Variants in FBXO34 observed in about 807,000 individuals in gnomAD.
The protein encoded by FBXO34 is F-box protein 34.
A neutral mutation model predicts 24.5 loss-of-function variants in FBXO34; 12 were observed. The observed-to-expected ratio is 0.49, with a 90% CI of 0.31 to 0.79. The LOEUF (loss-of-function observed/expected upper bound fraction) is 0.79, where lower values mean the gene tolerates loss of function less well. FBXO34 is among the 30% of genes least tolerant of loss of function. The probability of loss-of-function intolerance (pLI) is 0.04; values close to 1 mark genes in which losing one functional copy is unlikely to be tolerated. For synonymous variants in FBXO34, 320 were observed against 311.9 expected, an observed-to-expected ratio of 1.03 and a Z score of -0.27; for missense variants, 823 against 857.7, an observed-to-expected ratio of 0.96 and a Z score of 0.51.
At chr14:55,404,751 C>G in the FBXO34 span, among the ~76,000 whole-genome samples, 16 of 152,198 alleles carry the variant, frequency 1.1e-4, no homozygotes, top group Middle Eastern at 0.01. Context: ...ATCTGTATAA[C>G]AAAATGGAAT....
chr14:55,332,366 A>G (rs1883625508), intron 1 of FBXO34, among the ~76,000 whole-genome samples: 1 of 152,084 alleles, frequency 6.6e-6, no homozygotes, highest in Non-Finnish European at 1.5e-5. Context: ...ACTGTCCTTC[A>G]AAGTGTCGTT....
At chr14:55,362,120 T>C (rs945081760), downstream of FBXO34, among the ~76,000 whole-genome samples, 3 of 152,208 alleles carry the variant, frequency 2.0e-5, no homozygotes, top group African/African-American at 4.8e-5. Context: ...GACATGGGAC[T>C]CTTTCATTTG....
the FBXO34 span, chr14:55,396,086 T>A: frequency 1.2e-6 from 1 of 804,926 alleles, no homozygotes; most frequent in Non-Finnish European, 1.9e-6. Context: ...TAGAAATGGC[T>A]AGAAATATCA....
intron 1 of FBXO34, among the ~76,000 whole-genome samples, chr14:55,278,009 C>G (rs140510652): frequency 6.6e-6 from 1 of 152,100 alleles, no homozygotes; most frequent in Non-Finnish European, 1.5e-5. Context: ...GCAGAGCTTG[C>G]CTGCCAAGGG....
intron 1 of FBXO34, among the ~76,000 whole-genome samples, chr14:55,288,000 G>A (rs1881819520): frequency 2.0e-5 from 3 of 152,196 alleles, no homozygotes; most frequent in Admixed American, 6.5e-5. Context: ...TTGTGGCATC[G>A]TGTTGGAGCT....
chr14:55,363,134 C>T (rs910338023), downstream of FBXO34, among the ~76,000 whole-genome samples: 13 of 150,934 alleles, frequency 8.6e-5, no homozygotes, highest in African/African-American at 1.5e-4. Context: ...GCGATTCTCC[C>T]GCGTCAGACT....
downstream of FBXO34, among the ~76,000 whole-genome samples, chr14:55,355,505 A>G (rs991939770): frequency 6.6e-6 from 1 of 152,194 alleles, no homozygotes; most frequent in African/African-American, 2.4e-5. Context: ...AAATACTCAG[A>G]AAAAAACATT....
At chr14:55,390,939 T>C in the FBXO34 span, 1 of 1,604,540 alleles carries the variant, frequency 6.2e-7, no homozygotes, top group East Asian at 2.2e-5. Flanking sequence ...TTCCTTTACA[T>C]ATTGTTTGTT....
At chr14:55,433,750 C>A in the FBXO34 span, 1 of 1,603,850 alleles carries the variant, frequency 6.2e-7, no homozygotes, top group East Asian at 2.2e-5. Context: ...AGAGAATTAG[C>A]CTCTGCTAGG....
At chr14:55,378,959 C>T in the FBXO34 span, among the ~76,000 whole-genome samples, 28 of 152,182 alleles carry the variant, frequency 1.8e-4, no homozygotes, top group African/African-American at 6.3e-4. Flanking sequence ...CCTCCTGCCT[C>T]AGCTTCCCAA....
chr14:55,343,529 G>A (rs1432218761), intron 1 of FBXO34, among the ~76,000 whole-genome samples: 1 of 152,070 alleles, frequency 6.6e-6, no homozygotes, highest in African/African-American at 2.4e-5. Flanking sequence ...GATTACTAGC[G>A]TGAGCCATGC....
intron 1 of FBXO34, among the ~76,000 whole-genome samples, chr14:55,281,974 T>C: frequency 6.6e-6 from 1 of 151,428 alleles, no homozygotes; most frequent in African/African-American, 2.4e-5. Context: ...TCCAGTAAGT[T>C]TCATTTTTAA....
downstream of FBXO34, chr14:55,369,711 G>A: frequency 6.2e-7 from 1 of 1,610,894 alleles, no homozygotes; most frequent in Non-Finnish European, 8.5e-7. Context: ...GCGATGGGTG[G>A]GGACGCCTGG....
At chr14:55,338,932 A>G (rs966229867) in intron 1 of FBXO34, among the ~76,000 whole-genome samples, 2 of 145,456 alleles carry the variant, frequency 1.4e-5, no homozygotes, top group Middle Eastern at 3.2e-3. Context: ...AAAAAAAAAA[A>G]AGCCAAAAAA....
At chr14:55,360,956 C>A (rs1293156087) in intron 3 of FBXO34, among the ~76,000 whole-genome samples, 1 of 152,004 alleles carries the variant, frequency 6.6e-6, no homozygotes, top group Non-Finnish European at 1.5e-5. Flanking sequence ...CGAGATCACG[C>A]CACTGTACTC....
At chr14:55,360,733 C>A (rs1411832002) in intron 3 of FBXO34, among the ~76,000 whole-genome samples, 1 of 152,068 alleles carries the variant, frequency 6.6e-6, no homozygotes, top group African/African-American at 2.4e-5. Flanking sequence ...CATGGTGGCT[C>A]ACATCTGTAA....
the FBXO34 span, among the ~76,000 whole-genome samples, chr14:55,385,106 C>G: frequency 6.6e-6 from 1 of 152,154 alleles, no homozygotes; most frequent in Admixed American, 6.5e-5. Context: ...ATGTAGTGCC[C>G]ACCATCTAAG....
Position 55,351,267 on chromosome 14 carries a change from C to T in FBXO34, c.877C>T (p.Arg293Trp), listed in dbSNP as rs756551007. 10 of 1,614,136 alleles carry T rather than the reference C, an allele frequency of 6.2e-6. No homozygotes were observed. Among genetic ancestry groups the T allele is most frequent in the Middle Eastern group, 3.3e-4 (2 of 6,062 alleles). Residue 293 changes from arginine (R) to tryptophan (W), a missense_variant, in exon 2 of 2, where the codon CGG becomes TGG. By Grantham distance (101) the Arg-to-Trp change is moderately radical (BLOSUM62 -3). Coordinates refer to ENST00000313833, the MANE Select transcript of FBXO34 (RefSeq NM_017943.4). ...CAAGTTGGAGTCTGAGTGCCTGAAGCGGCAGGGCCAGCGTGAGCCTGGGAG... is the reference window on the plus strand; with the variant it reads ...CAAGTTGGAGTCTGAGTGCCTGAAGTGGCAGGGCCAGCGTGAGCCTGGGAG... ...VAKLESECLK[R>W]QGQREPGSLS...
the FBXO34 span, among the ~76,000 whole-genome samples, chr14:55,392,168 A>G: frequency 6.6e-6 from 1 of 152,176 alleles, no homozygotes. Context: ...TCCATAATAG[A>G]GTTCGCACTC....
Sources: allele counts gnomAD v4.1 joint callset (sites outside exome capture counted in the v4.1 genomes callset), GRCh38; gene constraint gnomAD v4.1.1; transcripts MANE v1.5; gene names NCBI Gene and HGNC (gene_info 2026-07-23, HGNC 2026-07-21).